Variants in TUBGCP3 observed in about 807,000 individuals in gnomAD.
TUBGCP3 encodes the protein tubulin gamma complex component 3.
A neutral mutation model predicts 123.1 loss-of-function variants in TUBGCP3; 50 were observed. That is an observed-to-expected ratio of 0.41 (90% CI 0.32 to 0.51). The LOEUF is 0.51. TUBGCP3 is among the 20% of genes least tolerant of loss of function. TUBGCP3 has a pLI of 0.36. For missense variants in TUBGCP3, 882 were observed against 1,127.0 expected (o/e 0.78, Z 3.11); for synonymous variants, 405 against 413.9 (o/e 0.98, Z 0.26).
At chr13:112,541,667 A>G (rs1254529806) in intron 11 of TUBGCP3, among the ~76,000 whole-genome samples, 1 of 152,226 alleles carries the variant, frequency 6.6e-6, no homozygotes, top group Non-Finnish European at 1.5e-5. Context: ...AAGTATTGCA[A>G]ATTACAAATT....
intron 14 of TUBGCP3, among the ~76,000 whole-genome samples, chr13:112,521,140 T>C (rs1355807501): frequency 2.6e-5 from 4 of 152,210 alleles, no homozygotes; most frequent in East Asian, 1.9e-4. Context: ...ACACACCCCA[T>C]GCCCCCATGG....
intron 11 of TUBGCP3, among the ~76,000 whole-genome samples, chr13:112,538,563 T>C (rs1878253309): frequency 6.6e-6 from 1 of 152,230 alleles, no homozygotes; most frequent in Non-Finnish European, 1.5e-5. Flanking sequence ...TGTTCAAATC[T>C]GCTGTAGTGC....
chr13:112,518,866 G>A (rs1229937361), intron 16 of TUBGCP3, 109 bp downstream of exon 16: 38 of 901,844 alleles, frequency 4.2e-5, no homozygotes, highest in Admixed American at 5.7e-5. Context: ...CTTAGATGTC[G>A]AGTGATCACT....
chr13:112,493,045 T>C lies in TUBGCP3; in HGVS notation c.2449-3348A>G, dbSNP rs911520861. ...GGGGCCTGGTGTGCCTGAGACACTC[T>C]AGCTTTGGGAACAGGGCCTGGTATC... On this transcript the variant is annotated intron_variant, in intron 20 of 21. Transcript: ENST00000261965. Among the ~76,000 whole-genome samples the C allele has an allele frequency of 6.7e-4, 98 of 146,772 alleles. 1 individual carries two copies. The highest frequency in any genetic ancestry group is 8.5e-4 in the Non-Finnish European group (57 of 67,116).
chr13:112,589,275 C>A (rs1284808029), upstream of TUBGCP3, among the ~76,000 whole-genome samples: 1 of 152,238 alleles, frequency 6.6e-6, no homozygotes, highest in East Asian at 1.9e-4. Flanking sequence ...CACCCTCTCC[C>A]CCACCTTCAG....
the TUBGCP3 span, among the ~76,000 whole-genome samples, chr13:112,597,963 C>G: frequency 2.6e-5 from 4 of 152,232 alleles, no homozygotes; most frequent in African/African-American, 7.2e-5. Context: ...GTGCCACAAA[C>G]CACAGCCACA....
At chr13:112,510,054 A>G (rs1299005619) in intron 17 of TUBGCP3, among the ~76,000 whole-genome samples, 2 of 152,240 alleles carry the variant, frequency 1.3e-5, no homozygotes, top group Non-Finnish European at 2.9e-5. Context: ...ATAAGGTCCA[A>G]TGAATACAGG....
intron 1 of TUBGCP3, among the ~76,000 whole-genome samples, chr13:112,580,505 T>A (rs555074836): frequency 6.6e-6 from 1 of 151,778 alleles, no homozygotes; most frequent in Admixed American, 6.6e-5. Context: ...TTGAAAAAAA[T>A]AATAAATTTT....
chr13:112,555,210 A>C (rs367710866), intron 6 of TUBGCP3, among the ~76,000 whole-genome samples: 6 of 152,232 alleles, frequency 3.9e-5, no homozygotes, highest in African/African-American at 1.4e-4. Context: ...CTGTGCCATG[A>C]ACGCACAGCT....
At chr13:112,566,563 T>C (rs944519922) in intron 2 of TUBGCP3, among the ~76,000 whole-genome samples, 5 of 152,248 alleles carry the variant, frequency 3.3e-5, no homozygotes, top group Non-Finnish European at 7.3e-5. Context: ...TCTTAAAACA[T>C]ACTATGTAAA....
intron 8 of TUBGCP3, among the ~76,000 whole-genome samples, chr13:112,552,626 C>T (rs1470905668): frequency 6.6e-6 from 1 of 152,226 alleles, no homozygotes; most frequent in African/African-American, 2.4e-5. Context: ...TTGTGGCCAA[C>T]AGAAGATAAC....
chr13:112,527,171 AG>A, intron 12 of TUBGCP3, 121 bp from the exon 13 acceptor site: 2 of 881,488 alleles, frequency 2.3e-6, no homozygotes, highest in Non-Finnish European at 3.5e-6. Flanking sequence ...CATCTGCTAC[AG>A]TATGGAGCGA....
At chr13:112,578,432 G>A (rs539029728) in intron 1 of TUBGCP3, among the ~76,000 whole-genome samples, 5 of 149,918 alleles carry the variant, frequency 3.3e-5, no homozygotes, top group Non-Finnish European at 5.9e-5. Flanking sequence ...GGTGGTGGGC[G>A]CCTGTAATCC....
rs1194504565 is a variant in TUBGCP3 at position 112,519,032 on chromosome 13, A to G, written c.1893T>C (p.Gly631=). 2 of 1,613,334 alleles carry G rather than the reference A, an allele frequency of 1.2e-6. No individual in the cohort carries two copies. The highest frequency in any genetic ancestry group is 1.7e-6 in the Non-Finnish European group (2 of 1,179,256). ...LDVRLLEVSP[G]DTGWDVFSLD... is the part of the protein sequence containing the mutation. ...GGCTGAAGACATCCCATCCAGTGTCACCTGGAGAGACCTAACAACAGAAAC... is the reference window on the plus strand; with the variant it reads ...GGCTGAAGACATCCCATCCAGTGTCGCCTGGAGAGACCTAACAACAGAAAC... Residue 631 remains glycine (G), a synonymous_variant, in exon 16 of 22, where the codon GGT becomes GGC. Coordinates refer to ENST00000261965, the MANE Select transcript of TUBGCP3 (RefSeq NM_006322.6). The surrounding 1 kb of genome is among the most constrained non-coding windows in gnomAD (Gnocchi z 6.2).
chr13:112,569,300 G>C, intron 1 of TUBGCP3, 41 bp from the exon 2 acceptor site: 3 of 1,598,220 alleles, frequency 1.9e-6, no homozygotes, highest in Non-Finnish European at 1.7e-6. Context: ...TACCAACCAG[G>C]TTACGTTCTG....
intron 11 of TUBGCP3, among the ~76,000 whole-genome samples, chr13:112,543,379 AGG>A (rs1878691137): frequency 6.6e-6 from 1 of 152,260 alleles, no homozygotes; most frequent in Non-Finnish European, 1.5e-5. Context: ...ATACAACAAA[AGG>A]AACATAAGAA....
the TUBGCP3 span, among the ~76,000 whole-genome samples, chr13:112,600,735 T>C: frequency 6.6e-6 from 1 of 152,074 alleles, no homozygotes; most frequent in Non-Finnish European, 1.5e-5. Flanking sequence ...TCTCTCCGGG[T>C]TGGCAAGCAG....
intron 8 of TUBGCP3, among the ~76,000 whole-genome samples, chr13:112,551,760 A>G (rs1191597509): frequency 6.6e-6 from 1 of 152,160 alleles, no homozygotes; most frequent in Non-Finnish European, 1.5e-5. Flanking sequence ...ATGATAATCG[A>G]TAAGGAGAAA....
intron 11 of TUBGCP3, among the ~76,000 whole-genome samples, chr13:112,538,413 T>C (rs1323025097): frequency 6.6e-6 from 1 of 152,234 alleles, no homozygotes; most frequent in Non-Finnish European, 1.5e-5. Context: ...TTTGCTGAGC[T>C]CCTTGAATGT....
Sources: allele counts gnomAD v4.1 joint callset (sites outside exome capture counted in the v4.1 genomes callset), GRCh38; gene constraint gnomAD v4.1.1; non-coding constraint Gnocchi (gnomAD v3.1); transcripts MANE v1.5; gene names NCBI Gene and HGNC (gene_info 2026-07-23, HGNC 2026-07-21).